The following NKAIN3 variants were observed in gnomAD, a reference collection of about 807,000 sequenced individuals.
NKAIN3 encodes sodium/potassium-transporting ATPase subunit beta-1-interacting protein 3.
A neutral mutation model predicts 30.2 loss-of-function variants in NKAIN3; 25 were observed. That is an observed-to-expected ratio of 0.83 (90% CI 0.60 to 1.16). The LOEUF (loss-of-function observed/expected upper bound fraction) is 1.16, where lower values mean the gene tolerates loss of function less well. Ranked by LOEUF, NKAIN3 falls within the 50% of genes most tolerant of loss-of-function variation. The pLI is 0.00. For missense variants in NKAIN3, 225 were observed against 254.1 expected, an observed-to-expected ratio of 0.89 and a Z score of 0.78; for synonymous variants, 91 against 89.6, an observed-to-expected ratio of 1.02 and a Z score of -0.09.
At chr8:62,867,634 T>TGA (rs1335009012) in intron 4 of NKAIN3, among the ~76,000 whole-genome samples, 1 of 152,168 alleles carries the variant, frequency 6.6e-6, no homozygotes, top group Non-Finnish European at 1.5e-5. Context: ...GACCACACAG[T>TGA]CAACTCAGAG....
chr8:62,791,249 A>C (rs1817694315), intron 4 of NKAIN3, among the ~76,000 whole-genome samples: 1 of 152,158 alleles, frequency 6.6e-6, no homozygotes, highest in Non-Finnish European at 1.5e-5. Context: ...AAAATGAACC[A>C]ACAAGAACAT....
chr8:62,429,322 G>T (rs1451842), intron 1 of NKAIN3, among the ~76,000 whole-genome samples: 39,605 of 151,784 alleles, frequency 0.26, 5,282 homozygotes, highest in Middle Eastern at 0.4. Context: ...CATGAAGTGT[G>T]TTGAATTTTA....
chr8:62,394,954 C>T (rs771406581), intron 1 of NKAIN3, among the ~76,000 whole-genome samples: 5 of 150,260 alleles, frequency 3.3e-5, no homozygotes, highest in Non-Finnish European at 7.4e-5. Context: ...GGCAGCCAAG[C>T]AGAGGCGCTC....
At chr8:62,872,809 CA>C (rs1820687252) in intron 4 of NKAIN3, among the ~76,000 whole-genome samples, 1 of 152,188 alleles carries the variant, frequency 6.6e-6, no homozygotes, top group Non-Finnish European at 1.5e-5. Context: ...TACAGACAAG[CA>C]AATGCTGAGG....
At chr8:62,704,983 G>A (rs1175233129) in intron 3 of NKAIN3, among the ~76,000 whole-genome samples, 1 of 152,132 alleles carries the variant, frequency 6.6e-6, no homozygotes, top group African/African-American at 2.4e-5. Flanking sequence ...TAAATCCAAT[G>A]CCAAAGTGTC....
chr8:62,561,686 T>C (rs1464388230), intron 1 of NKAIN3, among the ~76,000 whole-genome samples: 2 of 152,150 alleles, frequency 1.3e-5, no homozygotes, highest in Non-Finnish European at 2.9e-5. Flanking sequence ...TCATAGAGTT[T>C]CTAAATTAGG....
At chr8:62,923,707 T>C (rs895646345) in intron 5 of NKAIN3, among the ~76,000 whole-genome samples, 4 of 151,784 alleles carry the variant, frequency 2.6e-5, no homozygotes, top group African/African-American at 9.7e-5. Flanking sequence ...CATTTAGGAG[T>C]CGACTCATCT....
At chr8:62,926,427 A>G (rs1185726036) in intron 5 of NKAIN3, among the ~76,000 whole-genome samples, 1 of 152,158 alleles carries the variant, frequency 6.6e-6, no homozygotes, top group Non-Finnish European at 1.5e-5. Context: ...TAAGCTGCTT[A>G]GTGGTGCAGA....
chr8:62,458,963 G>A (rs577250863), intron 1 of NKAIN3, among the ~76,000 whole-genome samples: 1 of 151,552 alleles, frequency 6.6e-6, no homozygotes, highest in Admixed American at 6.6e-5. Flanking sequence ...CTCTGTAGCA[G>A]TAAACATTCA....
chr8:62,323,595 G>A (rs1025771821), intron 1 of NKAIN3, among the ~76,000 whole-genome samples: 1 of 152,086 alleles, frequency 6.6e-6, no homozygotes, highest in African/African-American at 2.4e-5. Context: ...GCCATCTTTT[G>A]TGGTAGTTCT....
intron 3 of NKAIN3, among the ~76,000 whole-genome samples, chr8:62,658,782 A>C (rs1448811725): frequency 6.6e-6 from 1 of 152,178 alleles, no homozygotes; most frequent in African/African-American, 2.4e-5. Context: ...CAGAAAGTAA[A>C]GTATTACTCC....
chr8:62,633,814 A>G (rs748583959), intron 3 of NKAIN3, among the ~76,000 whole-genome samples: 35 of 152,108 alleles, frequency 2.3e-4, no homozygotes, highest in Non-Finnish European at 4.9e-4. Context: ...TTGGAGGGGG[A>G]AAGAATATGA....
chr8:62,920,945 G>A (rs1173286085), intron 5 of NKAIN3, among the ~76,000 whole-genome samples: 1 of 152,136 alleles, frequency 6.6e-6, no homozygotes, highest in Non-Finnish European at 1.5e-5. Flanking sequence ...TATTGAATGA[G>A]GTAGGAAACA....
intron 1 of NKAIN3, among the ~76,000 whole-genome samples, chr8:62,458,115 T>A (rs1805874889): frequency 6.6e-6 from 1 of 152,162 alleles, no homozygotes; most frequent in South Asian, 2.1e-4. Context: ...TCAAAGCATA[T>A]TATCACCTTT....
chr8:62,561,114 G>A (rs1335484079), intron 1 of NKAIN3, among the ~76,000 whole-genome samples: 1 of 152,080 alleles, frequency 6.6e-6, no homozygotes, highest in Admixed American at 6.6e-5. Flanking sequence ...AGAAGGATAT[G>A]GAGGTGAGGG....
chr8:62,855,457 G>T, intron 4 of NKAIN3: 1 of 1,280,556 alleles, frequency 7.8e-7, no homozygotes, highest in Non-Finnish European at 1.1e-6. Context: ...TGGGTCTTTT[G>T]CTTCCAAAAT....
intron 1 of NKAIN3, among the ~76,000 whole-genome samples, chr8:62,410,625 C>A (rs1207144451): frequency 1.3e-5 from 2 of 151,178 alleles, no homozygotes; most frequent in African/African-American, 4.9e-5. Flanking sequence ...GCTAGATTAA[C>A]AAATAAAAAA....
rs1823770928 is a variant in NKAIN3 at position 62,968,793 on chromosome 8, T to A, written c.*3386T>A. ...TCTTAAGCGTCTTCTGCTGACCTCG[T>A]GCAGCACCGCAGGAAGCTGGGATGC... is the stretch of plus-strand genomic sequence containing the variant. On this transcript the variant is annotated 3_prime_UTR_variant, in exon 7 of 7. Coordinates refer to ENST00000623646, the MANE Select transcript of NKAIN3 (RefSeq NM_001304533.3). 6.6e-6 allele frequency among the ~76,000 whole-genome samples: 1 copy of A among 152,326 alleles called. No homozygotes were observed. The highest frequency in any genetic ancestry group is 2.1e-4 in the South Asian group (1 of 4,826).
At chr8:62,598,338 G>A (rs987802710) in intron 3 of NKAIN3, among the ~76,000 whole-genome samples, 1 of 152,152 alleles carries the variant, frequency 6.6e-6, no homozygotes, top group South Asian at 2.1e-4. Flanking sequence ...CCCCCTGTGG[G>A]TGTTGCATCT....
Sources: allele counts gnomAD v4.1 joint callset (sites outside exome capture counted in the v4.1 genomes callset), GRCh38; gene constraint gnomAD v4.1.1; transcripts MANE v1.5; gene names NCBI Gene and HGNC (gene_info 2026-07-23, HGNC 2026-07-21).